Variants in GNG7 observed in about 807,000 individuals in gnomAD.
GNG7 encodes the protein guanine nucleotide-binding protein G(I)/G(S)/G(O) subunit gamma-7.
In GNG7, 1 loss-of-function variant was observed where a neutral mutation model predicts 4.0. The ratio of observed to expected loss-of-function variants is 0.25; its 90% CI spans 0.09 to 1.18. The LOEUF is 1.18. GNG7 is among the 50% of genes most tolerant of loss of function. GNG7 has a pLI of 0.50. For synonymous variants in GNG7, 34 were observed against 36.9 expected (o/e 0.92, Z 0.29); for missense variants, 86 against 91.9 (o/e 0.94, Z 0.26).
rs1212826407 is a variant in GNG7, at chr19:2,618,252, C to A, written c.-78+27972G>T. On this transcript the variant is annotated intron_variant, in intron 2 of 4. Coordinates refer to ENST00000382159, the MANE Select transcript of GNG7 (RefSeq NM_052847.3). This position sits in a 1 kb window ranked among gnomAD's most constrained non-coding sequence, Gnocchi z 5.1. ...CCATCTTGCCCAAATCCCTGCCAAC[C>A]CCAGGGCACTGAGGACACAGATTAC... Among the ~76,000 whole-genome samples the A allele has an allele frequency of 6.6e-6, 1 of 152,152 alleles. No homozygotes were observed. The highest frequency in any genetic ancestry group is 1.5e-5 in the Non-Finnish European group (1 of 68,034).
In GNG7 at chr19:2,545,566, G is replaced by T. The variant is rs1292623143; in HGVS notation, c.-38+9583C>A. Among the ~76,000 whole-genome samples, 4 of 149,776 alleles carry T rather than the reference G, an allele frequency of 2.7e-5. No individual in the cohort carries two copies. In the Admixed American group the frequency reaches 2.7e-4, roughly 10 times the overall value. On this transcript the variant is annotated intron_variant, in intron 3 of 4. Transcript: ENST00000382159. ...CTCAGGAGGCTGAGGCAGGAGAATT[G>T]CCTGAACCTGGGAGGCAGAGGTTGC... is the stretch of plus-strand genomic sequence containing the variant.
In GNG7 at chr19:2,658,020, T is replaced by C. The variant is rs1983040646; in HGVS notation, c.-134-11740A>G. On this transcript the variant is annotated intron_variant, in intron 1 of 4. Coordinates refer to ENST00000382159, the MANE Select transcript of GNG7 (RefSeq NM_052847.3). ...TACTCCTTACCCTGCCCCCTTGTCT[T>C]GTATCCAATAAATAACAGTGCAGCC... Among the ~76,000 whole-genome samples the C allele has an allele frequency of 2.6e-5, 4 of 152,124 alleles. No individual in the cohort carries two copies. In the South Asian group the frequency reaches 8.3e-4, roughly 32 times the overall value.
chr19:2,649,432 C>G (rs1392780671), intron 1 of GNG7, among the ~76,000 whole-genome samples: 1 of 89,672 alleles, frequency 1.1e-5, no homozygotes, highest in African/African-American at 4.0e-5. Context: ...GAGTCTTGCT[C>G]TGTCACCCAG....
rs577946651 is a variant in GNG7 at position 2,626,176 on chromosome 19, G to A, written c.-78+20048C>T. ...TACCAAACAGAAGCAGAGAGTGACC[G>A]CGGGTGCCCACCTGACCCCGTGTCT... On this transcript the variant is annotated intron_variant, in intron 2 of 4. Coordinates refer to ENST00000382159, the MANE Select transcript of GNG7 (RefSeq NM_052847.3). The surrounding 1 kb of genome is among the most constrained non-coding windows in gnomAD (Gnocchi z 5.0). Among the ~76,000 whole-genome samples, 37 of 152,238 alleles carry A rather than the reference G, an allele frequency of 2.4e-4. No homozygotes were observed. The highest frequency in any genetic ancestry group is 3.4e-4 in the African/African-American group (14 of 41,542).
At chr19:2,548,374 G>A (rs531646433) in intron 3 of GNG7, among the ~76,000 whole-genome samples, 5 of 151,294 alleles carry the variant, frequency 3.3e-5, no homozygotes, top group African/African-American at 4.9e-5. Flanking sequence ...CCAGCTACTC[G>A]GGAGGCTAAG....
chr19:2,511,690 T>G lies in GNG7; in HGVS notation c.*3332A>C, dbSNP rs1249774020. 1.8e-6 allele frequency: 1 copy of G among 559,266 alleles called. No homozygotes were observed. 34.6% of individuals were successfully genotyped at this position (559,266 alleles called of 1,614,324 possible). On this transcript the variant is annotated 3_prime_UTR_variant, in exon 5 of 5. Transcript: ENST00000382159. This position sits in a 1 kb window ranked among gnomAD's most constrained non-coding sequence, Gnocchi z 6.3. ...GAGATGGATGCGTGGCCTGGAGGCC[T>G]AGCGTTGCGCCTCGGACACGGTGGC...
chr19:2,602,933 TCC>T (rs1491286755), intron 2 of GNG7, among the ~76,000 whole-genome samples: 33 of 120,914 alleles, frequency 2.7e-4, no homozygotes, highest in Non-Finnish European at 4.3e-4. Flanking sequence ...TTTTGTTTCT[TCC>T]TTTCTTCCTT....
chr19:2,635,511 G>A (rs1020608374), intron 2 of GNG7, among the ~76,000 whole-genome samples: 2 of 151,970 alleles, frequency 1.3e-5, no homozygotes, highest in African/African-American at 4.8e-5. Context: ...TTCAGTGTGT[G>A]CAGCCTCCTG....
In GNG7 at chr19:2,545,269, G is replaced by A. The variant is rs114736540; in HGVS notation, c.-38+9880C>T. 5.4e-3 allele frequency among the ~76,000 whole-genome samples: 821 copies of A among 152,286 alleles called. 8 individuals carry two copies. Among genetic ancestry groups the A allele is most frequent in the African/African-American group, 0.019 (781 of 41,556 alleles). On this transcript the variant is annotated intron_variant, in intron 3 of 4. Transcript: ENST00000382159. The stretch of plus-strand genomic sequence containing the variant: ...CAGGGATACTGCTCAGCACCCTGCA[G>A]TGCCCAGGACAGGCCCACCTCAGAG...
rs1178188586 is a variant in GNG7 at position 2,646,207 on chromosome 19, T to C, written c.-78+17A>G. 5.9e-5 allele frequency: 9 copies of C among 151,960 alleles called. No individual in the cohort carries two copies. The highest frequency in any genetic ancestry group is 1.5e-5 in the Non-Finnish European group (1 of 68,006). The allele number at this position is 151,960 out of a possible 1,614,324, so 9.4% of individuals were successfully genotyped here. On this transcript the variant is annotated intron_variant, in intron 2 of 4. Coordinates refer to ENST00000382159, the MANE Select transcript of GNG7 (RefSeq NM_052847.3). ...TGAACCTCAAATCATAACAAAGAAA[T>C]GCATTACAGCACCGACCTGTGCAGG...
At chr19:2,569,652 C>T (rs920804478) in intron 2 of GNG7, among the ~76,000 whole-genome samples, 1 of 152,158 alleles carries the variant, frequency 6.6e-6, no homozygotes, top group African/African-American at 2.4e-5. Context: ...TCTCTCTTAG[C>T]ACTGTGGACA....
chr19:2,655,624 G>A (rs1019250424), intron 1 of GNG7, among the ~76,000 whole-genome samples: 1 of 151,894 alleles, frequency 6.6e-6, no homozygotes, highest in Non-Finnish European at 1.5e-5. Flanking sequence ...GGCTCACAAG[G>A]TCAGGAGATG....
chr19:2,572,655 ACCT>A (rs1448073581), intron 2 of GNG7, among the ~76,000 whole-genome samples: 10 of 127,272 alleles, frequency 7.9e-5, no homozygotes, highest in African/African-American at 2.6e-4. Context: ...CTACAGTGGC[ACCT>A]CCTTATCTCG....
At chr19:2,541,048 C>T (rs530025563) in intron 3 of GNG7, among the ~76,000 whole-genome samples, 6 of 152,370 alleles carry the variant, frequency 3.9e-5, no homozygotes, top group Admixed American at 1.3e-4. Flanking sequence ...AGAATGCACC[C>T]GGCCTGGCAG....
chr19:2,589,395 T>TTTTA (rs869236480), intron 2 of GNG7, among the ~76,000 whole-genome samples: 6 of 113,124 alleles, frequency 5.3e-5, no homozygotes, highest in African/African-American at 1.2e-4. Context: ...TTTTTTTTTT[T>TTTTA]AAATAGCAGA....
intron 2 of GNG7, among the ~76,000 whole-genome samples, chr19:2,574,224 T>C (rs1244609821): frequency 6.6e-6 from 1 of 152,198 alleles, no homozygotes; most frequent in East Asian, 1.9e-4. Flanking sequence ...AACACGCATC[T>C]CATATGACGC....
intron 1 of GNG7, among the ~76,000 whole-genome samples, chr19:2,678,851 G>A (rs186174803): frequency 1.7e-4 from 26 of 152,092 alleles, no homozygotes; most frequent in African/African-American, 5.1e-4. Flanking sequence ...CCCATCCTCC[G>A]TCATGCAGCC....
At chr19:2,553,278 C>G (rs1401107155) in intron 3 of GNG7, among the ~76,000 whole-genome samples, 1 of 151,204 alleles carries the variant, frequency 6.6e-6, no homozygotes, top group Non-Finnish European at 1.5e-5. Flanking sequence ...AGGTAATCTA[C>G]ACGAAATGGA....
At chr19:2,664,071 G>T (rs542480985) in intron 1 of GNG7, among the ~76,000 whole-genome samples, 1 of 152,208 alleles carries the variant, frequency 6.6e-6, no homozygotes, top group Non-Finnish European at 1.5e-5. Context: ...CCAGGGACCT[G>T]ACATTTGATG....
Sources: allele counts gnomAD v4.1 joint callset (sites outside exome capture counted in the v4.1 genomes callset), GRCh38; gene constraint gnomAD v4.1.1; non-coding constraint Gnocchi (gnomAD v3.1); transcripts MANE v1.5; gene names NCBI Gene and HGNC (gene_info 2026-07-23, HGNC 2026-07-21).